The following VWF variants were observed in gnomAD, a reference collection of about 807,000 sequenced individuals.
VWF encodes von Willebrand factor, also known as Factor VIII related antigen.
In VWF, 176 loss-of-function variants were observed where a neutral mutation model predicts 308.6. That is an observed-to-expected ratio of 0.57 (90% CI 0.50 to 0.65). VWF has a LOEUF of 0.65. VWF is among the 30% of genes least tolerant of loss of function. The pLI, the probability that VWF is intolerant of heterozygous loss-of-function variation, is 0.00. For missense variants in VWF, 3,146 were observed against 3,648.2 expected (o/e 0.86, Z 3.55); for synonymous variants, 1,385 against 1,443.4 (o/e 0.96, Z 0.92).
intron 27 of VWF, chr12:6,021,608 A>G (rs992776118): frequency 2.7e-5 from 10 of 368,194 alleles, no homozygotes; most frequent in Non-Finnish European, 4.6e-5. Flanking sequence ...ACCTTCAGTG[A>G]GAAAAGCAAA....
intron 11 of VWF, 99 bp from the exon 12 acceptor site, chr12:6,064,483 G>T: frequency 6.5e-7 from 1 of 1,533,572 alleles, no homozygotes; most frequent in Non-Finnish European, 8.8e-7. Context: ...CAACCCGAGA[G>T]CCTCTGGCCT....
At chr12:6,057,163 G>T in intron 14 of VWF, 91 bp from the exon 15 acceptor site, 1 of 1,211,588 alleles carries the variant, frequency 8.3e-7, no homozygotes, top group Non-Finnish European at 1.1e-6. Context: ...ATAGCCCAGT[G>T]CTGCTAATAG....
intron 19 of VWF, among the ~76,000 whole-genome samples, chr12:6,035,132 G>A (rs1471342194): frequency 1.3e-5 from 2 of 152,214 alleles, no homozygotes; most frequent in Non-Finnish European, 2.9e-5. Context: ...TAGGCCTCCT[G>A]TTATGAATTC....
Position 5,971,693 on chromosome 12 carries a change from A to G in VWF, c.7454T>C (p.Leu2485Pro). 6.2e-7 allele frequency: 1 copy of G among 1,614,234 alleles called. No individual in the cohort carries two copies. Among genetic ancestry groups the G allele is most frequent in the Non-Finnish European group, 8.5e-7 (1 of 1,180,032 alleles). The change falls in exon 44 of 52, where the codon CTG becomes CCG. Residue 2485 changes from leucine (L) to proline (P), a missense_variant. By Grantham distance (98) the Leu-to-Pro change is moderately conservative. This residue lies in a region of VWF where 989 missense variants were observed against 1,117.4 expected (regional missense o/e 0.89). Coordinates refer to ENST00000261405, the MANE Select transcript of VWF (RefSeq NM_000552.5). The part of the protein sequence containing the change: ...DSCRSGFTYV[L>P]HEGECCGRCL... ...CCTTCCACAGCACTCGCCTTCATGC[A>G]GAACGTAAGTGAAGCCCTGGAAAAG... is the stretch of plus-strand genomic sequence containing the variant.
intron 47 of VWF, among the ~76,000 whole-genome samples, chr12:5,962,833 G>A (rs983129866): frequency 2.1e-4 from 32 of 152,338 alleles, no homozygotes; most frequent in African/African-American, 7.7e-4. Flanking sequence ...ACAGGCGTGA[G>A]CCAGCACGCC....
chr12:6,016,662 C>A lies in VWF; in HGVS notation c.5171-6G>T. On this transcript the variant is annotated splice_region_variant and splice_polypyrimidine_tract_variant and intron_variant, in intron 29 of 51. Transcript: ENST00000261405. ...CACCTGAGTGAGACGAGGCCCTAAA[C>A]GGAACGAGAAAATGCGGATTATTTT... 1 of 1,614,182 alleles carries A rather than the reference C, an allele frequency of 6.2e-7. No homozygotes were observed. The highest frequency in any genetic ancestry group is 2.2e-5 in the East Asian group (1 of 44,886).
intron 34 of VWF, among the ~76,000 whole-genome samples, chr12:6,000,064 T>C (rs1288191976): frequency 6.6e-6 from 1 of 151,880 alleles, no homozygotes; most frequent in African/African-American, 2.4e-5. Context: ...AAAAATGGAC[T>C]CTTAAAAGAG....
At chr12:6,118,000 C>T (rs1012669590) in intron 3 of VWF, among the ~76,000 whole-genome samples, 10 of 152,086 alleles carry the variant, frequency 6.6e-5, no homozygotes, top group Non-Finnish European at 1.3e-4. Context: ...CCAGTGAGCA[C>T]GAGTTGATGA....
In VWF at chr12:5,983,165, G is replaced by A; in HGVS notation, c.7066C>T (p.Pro2356Ser). Residue 2356 changes from proline to serine, a missense_variant, in exon 41 of 52, where the codon CCC becomes TCC. Transcript: ENST00000261405. ...PTLTNPGECR[P>S]NFTCACRKEE... ...GAGGCCTTACCGCAGGTGAAGTTGG[G>A]TCTGCACTCGCCAGGGTTGGTCAGT... is the stretch of plus-strand genomic sequence containing the variant. 1 of 1,613,944 alleles carries A rather than the reference G, an allele frequency of 6.2e-7. No homozygotes were observed. The highest frequency in any genetic ancestry group is 1.1e-5 in the South Asian group (1 of 90,988).
rs528683362 is a variant in VWF, at chr12:5,968,560, C to T, written c.7730-393G>A. On this transcript the variant is annotated intron_variant, in intron 45 of 51. Coordinates refer to ENST00000261405, the MANE Select transcript of VWF (RefSeq NM_000552.5). ...CCTGTAATCCCAGCACTCTGGGAGG[C>T]CGAGGTGGGCAGATCACTTGAGGTC... 7.9e-4 allele frequency among the ~76,000 whole-genome samples: 120 copies of T among 152,264 alleles called. 1 individual carries two copies. Among genetic ancestry groups the T allele is most frequent in the African/African-American group, 2.7e-3 (111 of 41,532 alleles).
intron 10 of VWF, among the ~76,000 whole-genome samples, chr12:6,067,831 T>TA (rs112646337): frequency 1.8e-4 from 27 of 147,778 alleles, no homozygotes; most frequent in Non-Finnish European, 2.9e-4. Context: ...AAACTGCATT[T>TA]AAAAAAAAAA....
intron 48 of VWF, among the ~76,000 whole-genome samples, chr12:5,952,865 C>A (rs1943208137): frequency 6.6e-6 from 1 of 152,158 alleles, no homozygotes; most frequent in African/African-American, 2.4e-5. Context: ...CTTCATAGAC[C>A]AGAGTTTGTT....
intron 5 of VWF, among the ~76,000 whole-genome samples, chr12:6,108,378 T>A (rs1460325396): frequency 9.2e-6 from 1 of 108,686 alleles, no homozygotes; most frequent in Non-Finnish European, 2.2e-5. Flanking sequence ...AAGCAAAATT[T>A]GACAGAATTA....
intron 3 of VWF, among the ~76,000 whole-genome samples, chr12:6,116,260 G>C (rs1294051362): frequency 6.6e-6 from 1 of 152,182 alleles, no homozygotes; most frequent in Non-Finnish European, 1.5e-5. Context: ...GCTCCCACCA[G>C]GCCTGCTGAA....
At chr12:5,983,382 A>G (rs556566566) in intron 40 of VWF, 128 bp from the exon 41 acceptor site, 41 of 669,676 alleles carry the variant, frequency 6.1e-5, no homozygotes, top group Admixed American at 9.7e-5. Flanking sequence ...GATGATGGAG[A>G]CAGAGATTAC....
chr12:5,970,856 G>A (rs569743117), intron 44 of VWF, among the ~76,000 whole-genome samples: 1 of 152,244 alleles, frequency 6.6e-6, no homozygotes, highest in Admixed American at 6.5e-5. Context: ...GCCAGGACTT[G>A]GCACCACCCA....
At chr12:6,029,043 T>C (rs1246768812) in intron 22 of VWF, among the ~76,000 whole-genome samples, 1 of 146,600 alleles carries the variant, frequency 6.8e-6, no homozygotes, top group African/African-American at 2.6e-5. Flanking sequence ...ATACATAGGC[T>C]CAAAATAAAG....
At chr12:6,009,847 G>A (rs1008939435) in intron 34 of VWF, among the ~76,000 whole-genome samples, 1 of 152,210 alleles carries the variant, frequency 6.6e-6, no homozygotes, top group Admixed American at 6.5e-5. Context: ...GAACTTGGAG[G>A]ATGTTAAGCT....
At chr12:5,957,358 A>G (rs1397874917) in intron 47 of VWF, among the ~76,000 whole-genome samples, 1 of 152,224 alleles carries the variant, frequency 6.6e-6, no homozygotes, top group Non-Finnish European at 1.5e-5. Context: ...GAAACAGAAA[A>G]AAATTAAGGA....
Sources: gnomAD v4.1 joint callset for allele counts (sites outside exome capture counted in the v4.1 genomes callset) on GRCh38, gnomAD v4.1.1 for gene constraint, gnomAD v4.1.1 regional missense constraint, MANE v1.5 for transcripts, NCBI Gene and HGNC (gene_info 2026-07-23, HGNC 2026-07-21) for gene names.